Variants in CDH13 observed in about 807,000 individuals in gnomAD.
The protein encoded by CDH13 is cadherin 13.
CDH13 carries 24 observed loss-of-function variants against 63.8 expected under a neutral mutation model. The ratio of observed to expected loss-of-function variants is 0.38; its 90% CI spans 0.27 to 0.53. CDH13 has a LOEUF of 0.53. Among genes scored for constraint, CDH13 ranks in the 20% least tolerant of loss-of-function variants. The probability of loss-of-function intolerance (pLI) is 0.85; values close to 1 mark genes in which losing one functional copy is unlikely to be tolerated. For missense variants in CDH13, 1,049 were observed against 903.1 expected, an observed-to-expected ratio of 1.16 and a Z score of -2.07; for synonymous variants, 503 against 355.3, an observed-to-expected ratio of 1.42 and a Z score of -4.67.
chr16:83,015,724 A>ATATAGAGAGAGAG (rs1555562946), intron 2 of CDH13, among the ~76,000 whole-genome samples: 1 of 49,096 alleles, frequency 2.0e-5, no homozygotes, highest in African/African-American at 6.1e-5. Context: ...TATATATATA[A>ATATAGAGAGAGAG]AGAAAAAGCA....
intron 6 of CDH13, among the ~76,000 whole-genome samples, chr16:83,450,871 C>G (rs778635005): frequency 1.7e-4 from 26 of 151,174 alleles, no homozygotes; most frequent in Non-Finnish European, 3.4e-4. Flanking sequence ...CTCTGTCTCA[C>G]AGAGAAAAAA....
At chr16:83,460,193 A>G (rs2073138663) in intron 6 of CDH13, among the ~76,000 whole-genome samples, 1 of 152,250 alleles carries the variant, frequency 6.6e-6, no homozygotes, top group South Asian at 2.1e-4. Context: ...AATTAGATGT[A>G]TTTATATAAT....
intron 5 of CDH13, among the ~76,000 whole-genome samples, chr16:83,331,348 G>C (rs962880894): frequency 6.6e-6 from 1 of 152,188 alleles, no homozygotes; most frequent in Non-Finnish European, 1.5e-5. Flanking sequence ...CTGTAGAACT[G>C]TAAAGACTAG....
At chr16:82,880,561 G>T (rs1458007191) in intron 2 of CDH13, among the ~76,000 whole-genome samples, 1 of 152,138 alleles carries the variant, frequency 6.6e-6, no homozygotes, top group African/African-American at 2.4e-5. Flanking sequence ...GGTCCATCCT[G>T]GTTATGGATA....
chr16:83,426,903 CTTTCTTTTTTT>C (rs2071922190), intron 6 of CDH13, among the ~76,000 whole-genome samples: 1 of 73,966 alleles, frequency 1.4e-5, no homozygotes, highest in Non-Finnish European at 2.8e-5. Context: ...AAATATGTTT[CTTTCTTTTTTT>C]TTTTTTTTTT....
intron 1 of CDH13, among the ~76,000 whole-genome samples, chr16:82,718,371 C>T (rs540567920): frequency 1.3e-5 from 2 of 152,146 alleles, no homozygotes; most frequent in South Asian, 2.1e-4. Flanking sequence ...TGATGGGATT[C>T]ACCGCTGACA....
At chr16:83,203,028 C>A (rs903664037) in intron 4 of CDH13, among the ~76,000 whole-genome samples, 2 of 151,600 alleles carry the variant, frequency 1.3e-5, no homozygotes, top group African/African-American at 4.9e-5. Flanking sequence ...AAGTTCGAGA[C>A]CAGCCTGACC....
chr16:82,889,285 G>C (rs1325868132), intron 2 of CDH13, among the ~76,000 whole-genome samples: 4 of 145,808 alleles, frequency 2.7e-5, no homozygotes, highest in Non-Finnish European at 6.0e-5. Flanking sequence ...AATTGTGCTT[G>C]TCTGTCTCTC....
intron 1 of CDH13, among the ~76,000 whole-genome samples, chr16:82,790,101 G>A (rs1465224119): frequency 6.6e-6 from 1 of 151,992 alleles, no homozygotes; most frequent in Admixed American, 6.6e-5. Context: ...ACACACACAT[G>A]CCTACACCCC....
At chr16:83,701,525 T>C (rs11861962) in intron 10 of CDH13, among the ~76,000 whole-genome samples, 67,869 of 151,968 alleles carry the variant, frequency 0.45, 15,474 homozygotes, top group Middle Eastern at 0.6. Flanking sequence ...TGTGGGAGAC[T>C]GAAGCTATAT....
intron 1 of CDH13, among the ~76,000 whole-genome samples, chr16:82,663,002 G>A (rs890821156): frequency 6.6e-6 from 1 of 152,146 alleles, no homozygotes; most frequent in Non-Finnish European, 1.5e-5. Context: ...TTCAGAAAGG[G>A]CTAGCTGACT....
In CDH13 at chr16:83,691,727, G is replaced by C. The variant is rs187201354; in HGVS notation, c.1538+13266G>C. ...AGAGTGTACATTGTCCCCAGGAGTC[G>C]AACGGACCTGGGCCATCCTGCCTCC... On this transcript the variant is annotated intron_variant, in intron 10 of 13. Coordinates refer to ENST00000567109, the MANE Select transcript of CDH13 (RefSeq NM_001257.5). 1.8e-4 allele frequency among the ~76,000 whole-genome samples: 27 copies of C among 152,132 alleles called. No individual in the cohort carries two copies. In the East Asian group the frequency reaches 5.2e-3, roughly 30 times the overall value.
chr16:83,470,273 T>A (rs1259584299), intron 6 of CDH13, among the ~76,000 whole-genome samples: 3 of 152,156 alleles, frequency 2.0e-5, no homozygotes, highest in African/African-American at 7.2e-5. Flanking sequence ...CCCAGGCTAG[T>A]CTCGAACTCC....
rs71148805 is a variant in CDH13, at chr16:83,052,776, C to CAAA, written c.366+20584_366+20586dup. The stretch of plus-strand genomic sequence containing the variant: ...TGGGTGACAGGGCGAGACTTTATCT[C>CAAA]AAAAAAAAAAAAAAAAAAAAAAAAA... On this transcript the variant is annotated intron_variant, in intron 3 of 13. Transcript: ENST00000567109. Among the ~76,000 whole-genome samples the CAAA allele has an allele frequency of 1.1e-3, 100 of 92,870 alleles. 6 individuals are homozygous for CAAA. Among genetic ancestry groups the CAAA allele is most frequent in the Non-Finnish European group, 1.2e-3 (59 of 48,528 alleles). The allele number at this position is 92,870 out of a possible 152,430, so 60.9% of individuals were successfully genotyped here.
chr16:83,608,475 G>C (rs558544256), intron 8 of CDH13, among the ~76,000 whole-genome samples: 1 of 151,816 alleles, frequency 6.6e-6, no homozygotes, highest in Non-Finnish European at 1.5e-5. Flanking sequence ...TTTCCTGTGG[G>C]GTATTAGCAT....
At chr16:82,676,334 C>T (rs570604481) in intron 1 of CDH13, among the ~76,000 whole-genome samples, 1 of 152,218 alleles carries the variant, frequency 6.6e-6, no homozygotes, top group African/African-American at 2.4e-5. Flanking sequence ...TGTTCCCTAC[C>T]TCATTCTGTG....
At chr16:82,734,155 G>A (rs573213873) in intron 1 of CDH13, among the ~76,000 whole-genome samples, 2 of 152,320 alleles carry the variant, frequency 1.3e-5, no homozygotes, top group East Asian at 1.9e-4. Context: ...TGGCCAATGG[G>A]CCAACTTTGG....
intron 6 of CDH13, among the ~76,000 whole-genome samples, chr16:83,354,692 G>A (rs2091019668): frequency 6.6e-6 from 1 of 152,170 alleles, no homozygotes; most frequent in Non-Finnish European, 1.5e-5. Context: ...CCAGACGCAG[G>A]GGCCAGGAAG....
intron 6 of CDH13, among the ~76,000 whole-genome samples, chr16:83,384,955 A>G (rs148801743): frequency 6.6e-6 from 1 of 152,194 alleles, no homozygotes; most frequent in Non-Finnish European, 1.5e-5. Context: ...TAAGGCACCA[A>G]TGTATATTTT....
Sources: gnomAD v4.1 joint callset for allele counts (sites outside exome capture counted in the v4.1 genomes callset) on GRCh38, gnomAD v4.1.1 for gene constraint, MANE v1.5 for transcripts, NCBI Gene and HGNC (gene_info 2026-07-23, HGNC 2026-07-21) for gene names.